Variants in CUX1 observed in about 807,000 individuals in gnomAD.
The protein encoded by CUX1 is protein CASP.
A neutral mutation model predicts 158.8 loss-of-function variants in CUX1; 31 were observed. That is an observed-to-expected ratio of 0.20 (90% CI 0.15 to 0.26). The LOEUF (loss-of-function observed/expected upper bound fraction) is 0.26. CUX1 is among the 10% of genes least tolerant of loss of function. The pLI, the probability that CUX1 is intolerant of heterozygous loss-of-function variation, is 1.00. For synonymous variants in CUX1, 879 were observed against 862.1 expected, an observed-to-expected ratio of 1.02 and a Z score of -0.34; for missense variants, 1,589 against 2,014.6, an observed-to-expected ratio of 0.79 and a Z score of 4.04.
chr7:101,888,994 A>C (rs1479481484), intron 1 of CUX1, among the ~76,000 whole-genome samples: 1 of 151,446 alleles, frequency 6.6e-6, no homozygotes, highest in Non-Finnish European at 1.5e-5. Flanking sequence ...GGCCAGGTGC[A>C]GTGACTCATG....
chr7:101,932,021 A>G (rs952234228), intron 2 of CUX1, among the ~76,000 whole-genome samples: 2 of 152,206 alleles, frequency 1.3e-5, no homozygotes, highest in Admixed American at 6.5e-5. Flanking sequence ...CACGGAAACT[A>G]CCTACATGGA....
intron 2 of CUX1, among the ~76,000 whole-genome samples, chr7:101,928,466 G>A (rs1211315434): frequency 1.3e-5 from 2 of 150,694 alleles, no homozygotes; most frequent in Non-Finnish European, 3.0e-5. Context: ...TGCCTCCCAG[G>A]TTCAAGTGAT....
At chr7:102,135,818 T>C (rs1280741863) in intron 8 of CUX1, among the ~76,000 whole-genome samples, 2 of 151,854 alleles carry the variant, frequency 1.3e-5, no homozygotes, top group Non-Finnish European at 2.9e-5. Context: ...CTACTCTAAA[T>C]ACAAAAATTG....
At chr7:101,955,446 A>C (rs562637806) in intron 2 of CUX1, among the ~76,000 whole-genome samples, 3 of 152,142 alleles carry the variant, frequency 2.0e-5, no homozygotes, top group Non-Finnish European at 4.4e-5. Context: ...GACTTGAGGG[A>C]ACTGAGCCCA....
At chr7:102,245,796 A>G (rs1586421931) in intron 23 of CUX1, among the ~76,000 whole-genome samples, 1 of 151,954 alleles carries the variant, frequency 6.6e-6, no homozygotes, top group African/African-American at 2.4e-5. Flanking sequence ...ACATGGTGAA[A>G]CCCCGTCTCT....
chr7:102,132,328 C>CGCGCACGCGCGCACG, intron 8 of CUX1, among the ~76,000 whole-genome samples: 1 of 1,362 alleles, frequency 7.3e-4, no homozygotes, highest in South Asian at 0.026. Flanking sequence ...CGCGCGCACG[C>CGCGCACGCGCGCACG]CACGCACACA....
rs1028163581 is a variant in CUX1 at position 101,817,812 on chromosome 7, C to T, written c.30+143C>T. 3 of 968,056 alleles carry T rather than the reference C, an allele frequency of 3.1e-6. No individual in the cohort carries two copies. The highest frequency in any genetic ancestry group is 4.4e-6 in the Non-Finnish European group (3 of 682,218). 60.0% of individuals were successfully genotyped at this position (968,056 alleles called of 1,614,324 possible). A position where few individuals can be genotyped will look rare whatever the true frequency, so the allele number is the denominator to read the frequency against. On this transcript the variant is annotated intron_variant, in intron 1 of 23. Transcript: ENST00000292535. The surrounding 1 kb of genome is among the most constrained non-coding windows in gnomAD (Gnocchi z 4.1). ...GGGGATAGGAGGGTTCCTCAGGGCC[C>T]CTGGGGAACTGCAGCTACTCCCAAC...
Position 102,201,599 on chromosome 7 carries a change from T to G in CUX1, c.2302T>G (p.Ser768Ala). ...PPLAISLKKP[S>A]AAPEAGASAL... ...TCTCGCCATCTCCCTGAAGAAGCCC[T>G]CCGCAGCTCCTGAGGCCGGTGCCTC... is the stretch of plus-strand genomic sequence containing the variant. The change falls in exon 18 of 24, where the codon TCC (serine) becomes GCC (alanine). Residue 768 changes from serine to alanine, a missense_variant. Transcript: ENST00000292535. The surrounding 1 kb of genome is among the most constrained non-coding windows in gnomAD (Gnocchi z 5.0). 6.2e-7 allele frequency: 1 copy of G among 1,613,934 alleles called. No individual in the cohort carries two copies. The highest frequency in any genetic ancestry group is 8.5e-7 in the Non-Finnish European group (1 of 1,179,970).
At chr7:102,052,938 G>A (rs112729643) in intron 3 of CUX1, among the ~76,000 whole-genome samples, 1,609 of 152,250 alleles carry the variant, frequency 0.011, 31 homozygotes, top group African/African-American at 0.037. Context: ...CTCCTGAGTA[G>A]CTGGGATTAC....
rs1362738281 is a variant in CUX1 at position 101,825,798 on chromosome 7, T to TGTGTGC, written c.30+8130_30+8131insTGTGCG. Among the ~76,000 whole-genome samples the TGTGTGC allele has an allele frequency of 8.7e-3, 680 of 78,378 alleles. 3 individuals are homozygous for TGTGTGC. Among genetic ancestry groups the TGTGTGC allele is most frequent in the Middle Eastern group, 0.016 (2 of 128 alleles). 51.4% of individuals were successfully genotyped at this position (78,378 alleles called of 152,430 possible). On this transcript the variant is annotated intron_variant, in intron 1 of 23. Transcript: ENST00000292535. ...GTGTGTGTGTGTGTGTGTGTGTGTG[T>TGTGTGC]GCGCGCGCGCGCGCAGTTAGTCTTC...
intron 8 of CUX1, among the ~76,000 whole-genome samples, chr7:102,123,659 C>CT (rs1832309273): frequency 6.6e-6 from 1 of 150,836 alleles, no homozygotes; most frequent in African/African-American, 2.4e-5. Context: ...AGTCCTACTG[C>CT]TTTTTTTTAT....
chr7:102,134,446 G>A (rs1198931680), intron 8 of CUX1, among the ~76,000 whole-genome samples: 5 of 152,212 alleles, frequency 3.3e-5, no homozygotes, highest in South Asian at 2.1e-4. Context: ...GTGGACTTAC[G>A]TCTTTAAAAC....
intron 21 of CUX1, among the ~76,000 whole-genome samples, chr7:102,231,758 G>C (rs772843750): frequency 6.8e-6 from 1 of 146,450 alleles, no homozygotes; most frequent in Non-Finnish European, 1.5e-5. Flanking sequence ...CTGTCACCCA[G>C]GCTGGAGTGC....
chr7:102,090,944 T>G (rs1828522732), intron 4 of CUX1, among the ~76,000 whole-genome samples: 1 of 152,180 alleles, frequency 6.6e-6, no homozygotes, highest in Non-Finnish European at 1.5e-5. Flanking sequence ...TTAAGTAACT[T>G]GTCCAAGATT....
chr7:102,194,934 G>T (rs546383679), intron 13 of CUX1, among the ~76,000 whole-genome samples: 88 of 151,780 alleles, frequency 5.8e-4, no homozygotes, highest in Middle Eastern at 3.5e-3. Flanking sequence ...TGAGGAAGGA[G>T]AATCACTTGA....
intron 1 of CUX1, among the ~76,000 whole-genome samples, chr7:101,883,134 C>T (rs548730763): frequency 1.3e-5 from 2 of 152,274 alleles, no homozygotes; most frequent in South Asian, 4.1e-4. Context: ...GATGTTTGCT[C>T]ATTTCGTCAT....
chr7:102,279,087 TC>T (rs1294101470), intron 18 of CUX1, among the ~76,000 whole-genome samples: 1 of 152,064 alleles, frequency 6.6e-6, no homozygotes, highest in African/African-American at 2.4e-5. Context: ...AGGCCTGTAA[TC>T]CCAGCGGTTT....
chr7:102,066,702 C>T (rs531693183), intron 3 of CUX1, among the ~76,000 whole-genome samples: 1 of 152,350 alleles, frequency 6.6e-6, no homozygotes, highest in South Asian at 2.1e-4. Context: ...GCTTCCTGGA[C>T]AGACTCTGCT....
chr7:102,096,364 T>A (rs1829188922), intron 4 of CUX1, among the ~76,000 whole-genome samples: 1 of 152,078 alleles, frequency 6.6e-6, no homozygotes, highest in Non-Finnish European at 1.5e-5. Context: ...TTATAAAGCC[T>A]AAGTGTTTCT....
Sources: allele counts gnomAD v4.1 joint callset (sites outside exome capture counted in the v4.1 genomes callset), GRCh38; gene constraint gnomAD v4.1.1; non-coding constraint Gnocchi (gnomAD v3.1); transcripts MANE v1.5; gene names NCBI Gene and HGNC (gene_info 2026-07-23, HGNC 2026-07-21).